ASIC2: variants seen among roughly 807,000 people sequenced by gnomAD.
ASIC2 encodes acid-sensing ion channel 2.
ASIC2 carries 25 observed loss-of-function variants against 57.3 expected under a neutral mutation model. The observed-to-expected ratio is 0.44, with a 90% confidence interval of 0.32 to 0.61. The LOEUF is 0.61. ASIC2 is among the 20% of genes least tolerant of loss of function. The pLI is 0.06. For synonymous variants in ASIC2, 319 were observed against 307.5 expected, an observed-to-expected ratio of 1.04 and a Z score of -0.39; for missense variants, 641 against 738.1, an observed-to-expected ratio of 0.87 and a Z score of 1.52.
chr17:33,761,735 C>T (rs562010803), intron 1 of ASIC2, among the ~76,000 whole-genome samples: 1 of 152,188 alleles, frequency 6.6e-6, no homozygotes, highest in Admixed American at 6.5e-5. Context: ...CTCTAATCAT[C>T]TTCTACATTC....
chr17:33,748,941 T>A (rs1419650080), intron 1 of ASIC2, among the ~76,000 whole-genome samples: 1 of 152,186 alleles, frequency 6.6e-6, no homozygotes, highest in Non-Finnish European at 1.5e-5. Flanking sequence ...AGCCTTCTTT[T>A]CAAGGGGAAC....
At chr17:33,096,058 G>A (rs1199863723) in intron 2 of ASIC2, among the ~76,000 whole-genome samples, 1 of 152,232 alleles carries the variant, frequency 6.6e-6, no homozygotes, top group African/African-American at 2.4e-5. Flanking sequence ...TAAAGTGTGT[G>A]TGTGCCTGTG....
intron 1 of ASIC2, among the ~76,000 whole-genome samples, chr17:34,143,952 A>G (rs751912713): frequency 6.6e-6 from 1 of 152,178 alleles, no homozygotes; most frequent in Non-Finnish European, 1.5e-5. Flanking sequence ...ATAGCAACAC[A>G]AAACAGACTA....
At chr17:34,052,071 T>TCATC (rs1908589826) in intron 1 of ASIC2, among the ~76,000 whole-genome samples, 2 of 152,192 alleles carry the variant, frequency 1.3e-5, no homozygotes, top group South Asian at 2.1e-4. Context: ...ATCCACTCTT[T>TCATC]CATCCATCCA....
intron 1 of ASIC2, among the ~76,000 whole-genome samples, chr17:33,270,614 G>T (rs1567805603): frequency 6.6e-6 from 1 of 152,206 alleles, no homozygotes; most frequent in African/African-American, 2.4e-5. Flanking sequence ...CTGGGTGTGT[G>T]TGGTCCAGCC....
At position 34,149,973 on chromosome 17, in the gene ASIC2, A is replaced by C. The variant is rs933297678; in HGVS notation, c.555+6005T>G. On this transcript the variant is annotated intron_variant, in intron 1 of 9. Transcript: ENST00000359872. The stretch of plus-strand genomic sequence containing the variant: ...TGCAGCACTAGTCACAAAAGCCAAG[A>C]TATGGAATCAACCTAGTGTCCATTG... Among the ~76,000 whole-genome samples the C allele has an allele frequency of 2.6e-5, 4 of 152,246 alleles. No homozygotes were observed. In the South Asian group the frequency reaches 8.3e-4, roughly 32 times the overall value.
At chr17:33,262,280 A>G (rs563897660) in intron 1 of ASIC2, among the ~76,000 whole-genome samples, 1 of 150,608 alleles carries the variant, frequency 6.6e-6, no homozygotes, top group African/African-American at 2.4e-5. Flanking sequence ...TAATTTTCCT[A>G]TGCACAGGAG....
At chr17:33,754,669 C>G (rs1445167528) in intron 1 of ASIC2, among the ~76,000 whole-genome samples, 1 of 152,104 alleles carries the variant, frequency 6.6e-6, no homozygotes, top group African/African-American at 2.4e-5. Flanking sequence ...AAGAACAGTT[C>G]CCTATAGGCT....
intron 1 of ASIC2, among the ~76,000 whole-genome samples, chr17:33,186,456 A>C (rs560123262): frequency 6.6e-6 from 1 of 152,132 alleles, no homozygotes; most frequent in Non-Finnish European, 1.5e-5. Flanking sequence ...TTTTTGGCTA[A>C]TGACTTATTA....
At chr17:34,030,688 AC>A (rs896681192) in intron 1 of ASIC2, among the ~76,000 whole-genome samples, 6 of 152,256 alleles carry the variant, frequency 3.9e-5, no homozygotes, top group Admixed American at 1.3e-4. Context: ...GGCTTAAACA[AC>A]GGCACACCAG....
At chr17:33,127,715 C>T (rs1050862351) in intron 1 of ASIC2, among the ~76,000 whole-genome samples, 43 of 152,292 alleles carry the variant, frequency 2.8e-4, no homozygotes, top group African/African-American at 9.6e-4. Context: ...AGCCTGCAAC[C>T]GAGTGAGCTG....
At chr17:34,010,698 C>T (rs1395312784) in intron 1 of ASIC2, among the ~76,000 whole-genome samples, 1 of 151,650 alleles carries the variant, frequency 6.6e-6, no homozygotes, top group African/African-American at 2.4e-5. Flanking sequence ...TATACACAGA[C>T]ATAACCACAC....
intron 1 of ASIC2, among the ~76,000 whole-genome samples, chr17:33,892,690 T>A (rs1914995349): frequency 6.6e-6 from 1 of 152,198 alleles, no homozygotes; most frequent in South Asian, 2.1e-4. Flanking sequence ...CCAACACAGT[T>A]CCTGGCACAC....
intron 4 of ASIC2, 59 bp downstream of exon 4, chr17:33,028,183 T>C (rs1330283476): frequency 6.4e-7 from 1 of 1,561,618 alleles, no homozygotes; most frequent in Non-Finnish European, 8.7e-7. Flanking sequence ...GGATGAGAAA[T>C]GCAAGGTGGG....
chr17:33,558,122 T>C (rs1915964383), intron 1 of ASIC2, among the ~76,000 whole-genome samples: 1 of 151,234 alleles, frequency 6.6e-6, no homozygotes, highest in African/African-American at 2.4e-5. Flanking sequence ...CCCACAGGGT[T>C]GGTGGGTTTC....
chr17:34,025,104 A>C (rs1907326385), intron 1 of ASIC2, among the ~76,000 whole-genome samples: 1 of 152,130 alleles, frequency 6.6e-6, no homozygotes, highest in Non-Finnish European at 1.5e-5. Context: ...AAATCTCCTG[A>C]TCACCTTGGC....
intron 1 of ASIC2, among the ~76,000 whole-genome samples, chr17:33,415,305 C>T (rs924683885): frequency 6.6e-6 from 1 of 152,178 alleles, no homozygotes; most frequent in Non-Finnish European, 1.5e-5. Context: ...TTCATGTAAC[C>T]TACACATATC....
intron 1 of ASIC2, among the ~76,000 whole-genome samples, chr17:33,122,408 A>G (rs773676277): frequency 6.6e-6 from 1 of 152,182 alleles, no homozygotes; most frequent in Non-Finnish European, 1.5e-5. Context: ...AAACTAGCTA[A>G]TAATATTATT....
At chr17:33,403,887 A>T (rs745478591) in intron 1 of ASIC2, among the ~76,000 whole-genome samples, 5 of 152,216 alleles carry the variant, frequency 3.3e-5, no homozygotes, top group Non-Finnish European at 7.3e-5. Flanking sequence ...TGCAGCTGGG[A>T]CATCAGAAAG....
Sources: gnomAD v4.1 joint callset for allele counts (sites outside exome capture counted in the v4.1 genomes callset) on GRCh38, gnomAD v4.1.1 for gene constraint, MANE v1.5 for transcripts, NCBI Gene and HGNC (gene_info 2026-07-23, HGNC 2026-07-21) for gene names.